The following PLEKHM3 variants were observed in gnomAD, a reference collection of about 807,000 sequenced individuals.
PLEKHM3 encodes the protein pleckstrin homology domain-containing family M member 3.
Under a neutral mutation model 81.8 loss-of-function variants are expected in PLEKHM3, and 45 were observed. The observed-to-expected ratio is 0.55, with a 90% CI of 0.43 to 0.71. The LOEUF (loss-of-function observed/expected upper bound fraction) is 0.71. Ranked by LOEUF, PLEKHM3 falls within the 30% of genes least tolerant of loss-of-function variation. PLEKHM3 has a pLI of 0.00. For missense variants in PLEKHM3, 788 were observed against 924.3 expected, an observed-to-expected ratio of 0.85 and a Z score of 1.91; for synonymous variants, 352 against 356.4, an observed-to-expected ratio of 0.99 and a Z score of 0.14.
chr2:207,959,959 A>G (rs781135756), intron 3 of PLEKHM3, among the ~76,000 whole-genome samples: 60 of 152,006 alleles, frequency 3.9e-4, no homozygotes, highest in Admixed American at 3.9e-4. Context: ...CCTTCTTTCC[A>G]GGCTTTTCTA....
chr2:207,839,269 T>A (rs1164953451), intron 7 of PLEKHM3, among the ~76,000 whole-genome samples: 3 of 151,964 alleles, frequency 2.0e-5, no homozygotes, highest in Non-Finnish European at 2.9e-5. Flanking sequence ...AAAATGCACA[T>A]TAATGTACAT....
chr2:207,961,569 T>A (rs1690734926), intron 3 of PLEKHM3, among the ~76,000 whole-genome samples: 1 of 152,202 alleles, frequency 6.6e-6, no homozygotes, highest in African/African-American at 2.4e-5. Flanking sequence ...ATTCTGTGGT[T>A]GCTTTTATAT....
intron 7 of PLEKHM3, among the ~76,000 whole-genome samples, chr2:207,860,161 G>C (rs1371596735): frequency 2.2e-5 from 3 of 136,074 alleles, no homozygotes; most frequent in South Asian, 2.3e-4. Context: ...CTGTGTGTGT[G>C]TGTGTGTGTG....
chr2:207,983,255 G>A (rs1362796890), intron 2 of PLEKHM3, among the ~76,000 whole-genome samples: 1 of 151,594 alleles, frequency 6.6e-6, no homozygotes, highest in Non-Finnish European at 1.5e-5. Context: ...GTTTCGCCAT[G>A]TTAACCAGGA....
intron 2 of PLEKHM3, among the ~76,000 whole-genome samples, chr2:207,987,564 TTGC>T (rs749502132): frequency 1.3e-5 from 2 of 152,196 alleles, no homozygotes; most frequent in Non-Finnish European, 2.9e-5. Context: ...CACTGGGGTG[TTGC>T]TGTGGTAGGT....
chr2:207,831,780 G>C (rs886323433), intron 7 of PLEKHM3, among the ~76,000 whole-genome samples: 4 of 152,270 alleles, frequency 2.6e-5, no homozygotes, highest in Middle Eastern at 3.4e-3. Context: ...ATGTCTTCTA[G>C]AGCCTCTCTC....
intron 2 of PLEKHM3, among the ~76,000 whole-genome samples, chr2:207,989,837 G>A (rs928449507): frequency 1.3e-5 from 2 of 152,232 alleles, no homozygotes; most frequent in Non-Finnish European, 2.9e-5. Flanking sequence ...TTGAACCCCA[G>A]GATTTCAGAG....
In PLEKHM3 at chr2:207,827,201, T is replaced by A. The variant is rs1255881194; in HGVS notation, c.*1118A>T. The stretch of plus-strand genomic sequence containing the variant: ...GGTATTTTGAAGTTCCACATTACTC[T>A]GATTTTTTAAACAAAAAAATGAGAA... On this transcript the variant is annotated 3_prime_UTR_variant, in exon 8 of 8. Transcript: ENST00000427836. 6.6e-6 allele frequency: 1 copy of A among 152,210 alleles called. No individual in the cohort carries two copies. Among genetic ancestry groups the A allele is most frequent in the African/African-American group, 2.4e-5 (1 of 41,460 alleles). The allele number at this position is 152,210 out of a possible 1,614,324, so 9.4% of individuals were successfully genotyped here. A position where few individuals can be genotyped will look rare whatever the true frequency, so the allele number is the denominator to read the frequency against.
intron 6 of PLEKHM3, chr2:207,901,246 C>G: frequency 1.4e-6 from 1 of 702,984 alleles, no homozygotes; most frequent in East Asian, 2.7e-5. Flanking sequence ...CATCCCGTGC[C>G]GAGCTCCCCC....
At chr2:207,972,432 C>T (rs1691157391) in intron 3 of PLEKHM3, among the ~76,000 whole-genome samples, 2 of 151,886 alleles carry the variant, frequency 1.3e-5, no homozygotes, top group African/African-American at 4.8e-5. Flanking sequence ...ACTAAAAATA[C>T]AAAAATTAGC....
At chr2:208,004,799 A>C (rs947288996) in intron 1 of PLEKHM3, among the ~76,000 whole-genome samples, 1 of 152,096 alleles carries the variant, frequency 6.6e-6, no homozygotes, top group African/African-American at 2.4e-5. Flanking sequence ...CTGTTTAAAT[A>C]AACTTTTCAT....
chr2:207,905,423 G>C (rs1688570447), intron 6 of PLEKHM3, among the ~76,000 whole-genome samples: 1 of 152,180 alleles, frequency 6.6e-6, no homozygotes. Context: ...AGTTAGGTAG[G>C]GTTTCCCGAT....
chr2:207,867,907 G>C (rs1339354952), intron 6 of PLEKHM3, among the ~76,000 whole-genome samples: 2 of 151,962 alleles, frequency 1.3e-5, no homozygotes, highest in African/African-American at 4.8e-5. Context: ...CAAAGCCAGA[G>C]GAGCATACTA....
chr2:207,930,834 G>A lies in PLEKHM3; in HGVS notation c.1886+92C>T, dbSNP rs546486104. ...CGAGCCACAAAATTAGAGGCGGTCCGTGCTGGAAAGGCCCTTTGGAGATAA... is the reference window on the plus strand; with the variant it reads ...CGAGCCACAAAATTAGAGGCGGTCCATGCTGGAAAGGCCCTTTGGAGATAA... On this transcript the variant is annotated intron_variant, in intron 5 of 7. Transcript: ENST00000427836. 1.3e-5 allele frequency: 18 copies of A among 1,423,656 alleles called. No homozygotes were observed. In the African/African-American group the frequency reaches 2.3e-4, roughly 18 times the overall value. The allele number at this position is 1,423,656 out of a possible 1,614,324, so 88.2% of individuals were successfully genotyped here. A position where few individuals can be genotyped will look rare whatever the true frequency, so the allele number is the denominator to read the frequency against.
chr2:207,950,431 T>G (rs949450621), intron 3 of PLEKHM3, among the ~76,000 whole-genome samples: 1 of 152,226 alleles, frequency 6.6e-6, no homozygotes, highest in Non-Finnish European at 1.5e-5. Context: ...ATTGGTGAAT[T>G]GCCAAATTTG....
At chr2:207,998,642 A>C (rs746187266) in intron 2 of PLEKHM3, among the ~76,000 whole-genome samples, 8 of 152,234 alleles carry the variant, frequency 5.3e-5, no homozygotes, top group Non-Finnish European at 1.2e-4. Flanking sequence ...ATTTAATATC[A>C]AACTTTTTTA....
At chr2:207,892,702 G>A (rs925182407) in intron 6 of PLEKHM3, among the ~76,000 whole-genome samples, 3 of 152,106 alleles carry the variant, frequency 2.0e-5, no homozygotes, top group Non-Finnish European at 2.9e-5. Flanking sequence ...GCCATTGGTG[G>A]GGTGGAGACT....
At chr2:207,997,479 T>TA (rs1219565403) in intron 2 of PLEKHM3, among the ~76,000 whole-genome samples, 13 of 151,896 alleles carry the variant, frequency 8.6e-5, no homozygotes, top group African/African-American at 2.4e-5. Flanking sequence ...AAGAGCCAGG[T>TA]AAAAAAATGA....
At chr2:207,894,675 G>C (rs901480337) in intron 6 of PLEKHM3, among the ~76,000 whole-genome samples, 3 of 152,220 alleles carry the variant, frequency 2.0e-5, no homozygotes, top group Non-Finnish European at 4.4e-5. Flanking sequence ...TAGTGGTTCA[G>C]AGTGTGTGCC....
Sources: allele counts gnomAD v4.1 joint callset (sites outside exome capture counted in the v4.1 genomes callset), GRCh38; gene constraint gnomAD v4.1.1; transcripts MANE v1.5; gene names NCBI Gene and HGNC (gene_info 2026-07-23, HGNC 2026-07-21).